The following USP24 variants were observed in gnomAD, a reference collection of about 807,000 sequenced individuals.
USP24 encodes ubiquitin carboxyl-terminal hydrolase 24.
In USP24, 97 loss-of-function variants were observed where a neutral mutation model predicts 361.6. The observed-to-expected ratio is 0.27, with a 90% CI of 0.23 to 0.32. The LOEUF (loss-of-function observed/expected upper bound fraction) is 0.32. USP24 is among the 10% of genes least tolerant of loss of function. The pLI is 1.00. For missense variants in USP24, 2,353 were observed against 3,165.6 expected, an observed-to-expected ratio of 0.74 and a Z score of 6.16; for synonymous variants, 1,098 against 1,124.6, an observed-to-expected ratio of 0.98 and a Z score of 0.47.
At position 55,171,690 on chromosome 1, in the gene USP24, G is replaced by A. The variant is rs771337255; in HGVS notation, c.703-12C>T. ...TCAGGATTGAAAGCCTAGATTCAAAGAGAACAGAGAAACATTATTATCTAT... is the reference window on the plus strand; with the variant it reads ...TCAGGATTGAAAGCCTAGATTCAAAAAGAACAGAGAAACATTATTATCTAT... On this transcript the variant is annotated splice_polypyrimidine_tract_variant and intron_variant, in intron 4 of 67. Coordinates refer to ENST00000294383, the MANE Select transcript of USP24 (RefSeq NM_015306.3). 1.9e-5 allele frequency: 30 copies of A among 1,594,978 alleles called. No individual in the cohort carries two copies. In the African/African-American group the frequency reaches 3.5e-4, roughly 19 times the overall value.
intron 1 of USP24, among the ~76,000 whole-genome samples, chr1:55,184,075 G>T (rs548729207): frequency 6.6e-6 from 1 of 152,188 alleles, no homozygotes; most frequent in African/African-American, 2.4e-5. Flanking sequence ...GGGTTTTTTT[G>T]AGACAGGGTC....
intron 38 of USP24, among the ~76,000 whole-genome samples, chr1:55,117,649 A>G (rs1570449826): frequency 6.9e-6 from 1 of 145,214 alleles, no homozygotes; most frequent in African/African-American, 2.5e-5. Context: ...AATGGCGTGA[A>G]CCCGGGAAGC....
At chr1:55,147,205 C>A (rs1339270712) in intron 18 of USP24, 145 bp from the exon 19 acceptor site, 2 of 836,034 alleles carry the variant, frequency 2.4e-6, no homozygotes, top group Non-Finnish European at 3.4e-6. Context: ...TATTAGAATT[C>A]TGTTTACAAA....
intron 24 of USP24, among the ~76,000 whole-genome samples, chr1:55,140,795 G>A (rs1040292259): frequency 6.6e-6 from 1 of 152,074 alleles, no homozygotes; most frequent in Admixed American, 6.6e-5. Context: ...ATAATGACGT[G>A]GTGTTGCTTA....
At position 55,073,586 on chromosome 1, in the gene USP24, TTCTG is replaced by T. The variant is rs1644963060; in HGVS notation, c.7526+238_7526+241del. On this transcript the variant is annotated intron_variant, in intron 64 of 67. Transcript: ENST00000294383. ...TCCATATCTGCCCTGATTCCTGCCT[TTCTG>T]ACATAAGGCCTGATGGGTGAGCTTT... Among the ~76,000 whole-genome samples the T allele has an allele frequency of 3.9e-5, 6 of 152,298 alleles. No individual in the cohort carries two copies. In the South Asian group the frequency reaches 1.2e-3, roughly 32 times the overall value.
intron 1 of USP24, among the ~76,000 whole-genome samples, chr1:55,188,329 A>G (rs1192923727): frequency 6.6e-6 from 1 of 152,194 alleles, no homozygotes; most frequent in African/African-American, 2.4e-5. Context: ...TGGAAAAGCA[A>G]AAGCAACAAA....
intron 4 of USP24, 49 bp from the exon 5 acceptor site, chr1:55,171,727 C>T (rs755555271): frequency 1.2e-5 from 18 of 1,542,352 alleles, no homozygotes; most frequent in Admixed American, 2.0e-5. Flanking sequence ...TCTATAGCAA[C>T]ACATATTAGC....
intron 1 of USP24, among the ~76,000 whole-genome samples, chr1:55,190,990 T>C (rs1644270745): frequency 6.6e-6 from 1 of 152,244 alleles, no homozygotes; most frequent in South Asian, 2.1e-4. Flanking sequence ...TCCATCAACT[T>C]CATTTAAAAT....
chr1:55,210,608 C>A (rs567040673), intron 1 of USP24, among the ~76,000 whole-genome samples: 1 of 152,114 alleles, frequency 6.6e-6, no homozygotes, highest in African/African-American at 2.4e-5. Flanking sequence ...CAAAGGGGAA[C>A]AAGAGAAATA....
intron 38 of USP24, among the ~76,000 whole-genome samples, chr1:55,114,423 C>G (rs1646045703): frequency 6.6e-6 from 1 of 152,192 alleles, no homozygotes; most frequent in South Asian, 2.1e-4. Flanking sequence ...AAAACAGAAC[C>G]TGTATAGCCA....
intron 1 of USP24, among the ~76,000 whole-genome samples, chr1:55,193,749 A>G (rs1449373636): frequency 6.6e-6 from 1 of 152,224 alleles, no homozygotes; most frequent in African/African-American, 2.4e-5. Context: ...TACATATATT[A>G]TAATTTAATT....
In USP24 at chr1:55,092,136, G is replaced by A; in HGVS notation, c.6451-10C>T. 6.3e-7 allele frequency: 1 copy of A among 1,589,832 alleles called. No homozygotes were observed. Among genetic ancestry groups the A allele is most frequent in the South Asian group, 1.1e-5 (1 of 87,760 alleles). ...GATGCTTTAATTTAGTCTAAGAGAG[G>A]GAAACATGAAAGAGGATATTTTTCA... On this transcript the variant is annotated splice_polypyrimidine_tract_variant and intron_variant, in intron 53 of 67. Transcript: ENST00000294383.
chr1:55,138,112 G>A (rs1263262840), intron 26 of USP24, among the ~76,000 whole-genome samples: 1 of 151,712 alleles, frequency 6.6e-6, no homozygotes, highest in Non-Finnish European at 1.5e-5. Flanking sequence ...CCCATCAAGC[G>A]TGGAATGAGA....
intron 24 of USP24, among the ~76,000 whole-genome samples, chr1:55,139,602 GA>G (rs1646832211): frequency 6.6e-6 from 1 of 152,088 alleles, no homozygotes; most frequent in Non-Finnish European, 1.5e-5. Flanking sequence ...TTACTAAAAA[GA>G]ACATTACATG....
chr1:55,071,096 C>T, intron 67 of USP24: 1 of 968,254 alleles, frequency 1.0e-6, no homozygotes, highest in Non-Finnish European at 1.2e-6. Flanking sequence ...TCACATAGTG[C>T]TTATGAGGAT....
At chr1:55,185,797 G>A (rs1487901590) in intron 1 of USP24, among the ~76,000 whole-genome samples, 1 of 151,146 alleles carries the variant, frequency 6.6e-6, no homozygotes, top group African/African-American at 2.4e-5. Context: ...TCACACTCTT[G>A]GGCTCAAGTG....
chr1:55,174,272 C>A (rs1166689754), intron 3 of USP24, among the ~76,000 whole-genome samples: 3 of 152,060 alleles, frequency 2.0e-5, no homozygotes, highest in Non-Finnish European at 4.4e-5. Flanking sequence ...GTCATCGAAC[C>A]GAGAAACACA....
intron 26 of USP24, 118 bp from the exon 27 acceptor site, chr1:55,138,022 G>A: frequency 2.1e-6 from 2 of 972,194 alleles, no homozygotes; most frequent in Non-Finnish European, 3.0e-6. Flanking sequence ...ACACAGCAGA[G>A]AACATAAAGA....
rs1647981089 is a variant in USP24 at position 55,158,946 on chromosome 1, G to A, written c.1159C>T (p.Arg387Ter). Residue 387 changes from arginine (R) to a stop codon, truncating the protein, a stop_gained, in exon 10 of 68, where the codon CGA becomes TGA. Transcript: ENST00000294383. LOFTEE classifies it high-confidence loss of function. ...PDLVTIVDDL[R>*]LDILLRMLKS... ...AGCATGCGCAATAGAATATCTAGTC[G>A]AAGGTCATCCACAATTGTCACCAGA... 4.4e-6 allele frequency: 7 copies of A among 1,599,766 alleles called. No individual in the cohort carries two copies. Among genetic ancestry groups the A allele is most frequent in the Non-Finnish European group, 6.0e-6 (7 of 1,171,842 alleles).
Sources: allele counts gnomAD v4.1 joint callset (sites outside exome capture counted in the v4.1 genomes callset), GRCh38; gene constraint gnomAD v4.1.1; transcripts MANE v1.5; gene names NCBI Gene and HGNC (gene_info 2026-07-23, HGNC 2026-07-21).